UVRAG: variants seen among roughly 807,000 people sequenced by gnomAD.
UVRAG encodes the protein UV radiation resistance-associated gene protein.
Under a neutral mutation model 78.0 loss-of-function variants are expected in UVRAG, and 19 were observed. The observed-to-expected ratio is 0.24, with a 90% CI of 0.17 to 0.36. The LOEUF (loss-of-function observed/expected upper bound fraction) is 0.36. UVRAG is among the 10% of genes least tolerant of loss of function. The pLI is 1.00. For synonymous variants in UVRAG, 323 were observed against 324.6 expected (o/e 1.00, Z 0.05); for missense variants, 740 against 853.8 (o/e 0.87, Z 1.66).
intron 1 of UVRAG, among the ~76,000 whole-genome samples, chr11:75,840,894 A>G (rs1945893569): frequency 6.6e-6 from 1 of 152,198 alleles, no homozygotes; most frequent in African/African-American, 2.4e-5. Context: ...AGAGTGCTAT[A>G]ATATAGAGAG....
At chr11:76,065,901 A>C in intron 13 of UVRAG, 113 bp downstream of exon 13, 1 of 862,702 alleles carries the variant, frequency 1.2e-6, no homozygotes, top group East Asian at 2.4e-5. Context: ...GCATTTAACC[A>C]GTTACATTAG....
chr11:75,903,873 G>A (rs1369860452), intron 5 of UVRAG, among the ~76,000 whole-genome samples: 2 of 152,170 alleles, frequency 1.3e-5, no homozygotes, highest in Admixed American at 1.3e-4. Flanking sequence ...CCTACTAACT[G>A]CGTTATTTCT....
intron 12 of UVRAG, among the ~76,000 whole-genome samples, chr11:76,064,560 C>T (rs1435016785): frequency 6.6e-6 from 1 of 152,060 alleles, no homozygotes. Flanking sequence ...TTTGGTGTTC[C>T]TTTAGTAGAG....
intron 1 of UVRAG, among the ~76,000 whole-genome samples, chr11:75,826,159 CCTTTTTTTTT>C (rs1211669771): frequency 6.7e-6 from 1 of 150,240 alleles, no homozygotes; most frequent in East Asian, 2.0e-4. Flanking sequence ...CGTTTTCTTT[CCTTTTTTTTT>C]CTTTTAAGAC....
chr11:75,843,957 TAA>T (rs557175299), intron 1 of UVRAG, among the ~76,000 whole-genome samples: 89 of 114,868 alleles, frequency 7.7e-4, no homozygotes, highest in Admixed American at 9.3e-4. Context: ...AGACGCCATC[TAA>T]AAAAAAAAAA....
At chr11:76,026,949 A>G (rs1565125974) in intron 12 of UVRAG, among the ~76,000 whole-genome samples, 1 of 152,150 alleles carries the variant, frequency 6.6e-6, no homozygotes, top group Non-Finnish European at 1.5e-5. Context: ...CTAACAGTAC[A>G]CCATGGAACA....
At chr11:76,114,963 T>C (rs661975) in intron 13 of UVRAG, among the ~76,000 whole-genome samples, 55,843 of 152,114 alleles carry the variant, frequency 0.37, 12,366 homozygotes, top group Non-Finnish European at 0.49. Flanking sequence ...TTTTATAAAG[T>C]CTATAAACTT....
At chr11:75,995,215 T>G (rs544402694) in intron 8 of UVRAG, among the ~76,000 whole-genome samples, 1 of 151,912 alleles carries the variant, frequency 6.6e-6, no homozygotes, top group African/African-American at 2.4e-5. Context: ...CAAGTGTGTC[T>G]ATGATTGTTG....
At chr11:76,069,483 T>C (rs1049490716) in intron 13 of UVRAG, among the ~76,000 whole-genome samples, 2 of 152,222 alleles carry the variant, frequency 1.3e-5, no homozygotes, top group Non-Finnish European at 2.9e-5. Flanking sequence ...ACGTTGACTT[T>C]AAAAACCAGA....
intron 5 of UVRAG, among the ~76,000 whole-genome samples, chr11:75,901,073 C>T (rs1043381356): frequency 2.0e-5 from 3 of 152,134 alleles, no homozygotes; most frequent in South Asian, 2.1e-4. Flanking sequence ...AACAGAGATA[C>T]GTACACAGTT....
chr11:75,968,323 G>A (rs913426371), intron 7 of UVRAG, among the ~76,000 whole-genome samples: 5 of 152,060 alleles, frequency 3.3e-5, no homozygotes, highest in Admixed American at 6.6e-5. Context: ...ATCTATTGGC[G>A]AAATATATGT....
chr11:76,063,517 T>C (rs1018494001), intron 12 of UVRAG, among the ~76,000 whole-genome samples: 15 of 152,190 alleles, frequency 9.9e-5, no homozygotes, highest in Non-Finnish European at 4.4e-5. Flanking sequence ...TTTTCTACTA[T>C]TTATAGAAAG....
At chr11:75,892,452 G>T in intron 5 of UVRAG, 1 of 942,792 alleles carries the variant, frequency 1.1e-6, no homozygotes, top group Non-Finnish European at 1.3e-6. Context: ...TTCTATGCTG[G>T]CACTATTCTA....
In UVRAG at chr11:76,042,216, A is replaced by C. The variant is rs150162200; in HGVS notation, c.1227-23494A>C. Among the ~76,000 whole-genome samples the C allele has an allele frequency of 1.6e-3, 238 of 152,342 alleles. 1 individual carries two copies. Among genetic ancestry groups the C allele is most frequent in the African/African-American group, 5.3e-3 (222 of 41,576 alleles). ...ACATCCATAAGATGGAATACTAATC[A>C]GGAGTTCAAAGGAATATTTTAGATA... On this transcript the variant is annotated intron_variant, in intron 12 of 14. Transcript: ENST00000356136.
chr11:75,936,512 G>T (rs1948376654), intron 6 of UVRAG, among the ~76,000 whole-genome samples: 2 of 152,218 alleles, frequency 1.3e-5, no homozygotes, highest in South Asian at 4.1e-4. Flanking sequence ...GTTTTATCCG[G>T]TGAATTATTA....
chr11:75,984,644 G>A (rs752031575), intron 8 of UVRAG, among the ~76,000 whole-genome samples: 15 of 152,122 alleles, frequency 9.9e-5, no homozygotes, highest in Non-Finnish European at 2.1e-4. Context: ...GCCTCCTCAC[G>A]CTTCCTTCCA....
chr11:75,879,939 T>A lies in UVRAG; in HGVS notation c.331T>A (p.Ser111Thr), dbSNP rs981410877. 5.6e-6 allele frequency: 9 copies of A among 1,614,208 alleles called. No individual in the cohort carries two copies. Among genetic ancestry groups the A allele is most frequent in the Non-Finnish European group, 7.6e-6 (9 of 1,180,030 alleles). ...IMPDRLDTSV[S>T]CFVVKIWGGK... ...GCCAGACCGTCTTGATACATCTGTGTCTTGTTTCGTGGTGAAGATATGGGG... is the reference window on the plus strand; with the variant it reads ...GCCAGACCGTCTTGATACATCTGTGACTTGTTTCGTGGTGAAGATATGGGG... The change falls in exon 4 of 15, where the codon TCT becomes ACT. Residue 111 changes from serine (S) to threonine (T), a missense_variant. Physicochemically the swap from Ser to Thr is moderately conservative, Grantham distance 58 (BLOSUM62 1). Transcript: ENST00000356136.
intron 12 of UVRAG, among the ~76,000 whole-genome samples, chr11:76,021,864 G>A (rs1355735772): frequency 1.3e-5 from 2 of 152,158 alleles, no homozygotes; most frequent in Non-Finnish European, 2.9e-5. Context: ...GACCAGCCTA[G>A]ACAACATGGC....
At chr11:75,849,031 AG>A (rs1232990458) in intron 1 of UVRAG, among the ~76,000 whole-genome samples, 1 of 152,106 alleles carries the variant, frequency 6.6e-6, no homozygotes, top group Non-Finnish European at 1.5e-5. Flanking sequence ...ATACAAAATT[AG>A]CCAAGTGTGG....
Sources: gnomAD v4.1 joint callset for allele counts (sites outside exome capture counted in the v4.1 genomes callset) on GRCh38, gnomAD v4.1.1 for gene constraint, MANE v1.5 for transcripts, NCBI Gene and HGNC (gene_info 2026-07-23, HGNC 2026-07-21) for gene names.